The following SPAG16 variants were observed in gnomAD, a reference collection of about 807,000 sequenced individuals.
SPAG16 encodes sperm-associated antigen 16 protein.
SPAG16 carries 86 observed loss-of-function variants against 80.4 expected under a neutral mutation model. The observed-to-expected ratio is 1.07, with a 90% CI of 0.90 to 1.28. The LOEUF (loss-of-function observed/expected upper bound fraction) is 1.28, where lower values mean the gene tolerates loss of function less well. Ranked by LOEUF, SPAG16 falls within the 50% of genes most tolerant of loss-of-function variation. The pLI, the probability that SPAG16 is intolerant of heterozygous loss-of-function variation, is 0.00. For synonymous variants in SPAG16, 294 were observed against 265.9 expected, an observed-to-expected ratio of 1.11 and a Z score of -1.03; for missense variants, 870 against 765.3, an observed-to-expected ratio of 1.14 and a Z score of -1.61.
chr2:213,588,167 T>G (rs1445640029), intron 10 of SPAG16, among the ~76,000 whole-genome samples: 1 of 152,172 alleles, frequency 6.6e-6, no homozygotes, highest in Non-Finnish European at 1.5e-5. Flanking sequence ...GAGTAGTATG[T>G]GAAAGGGATT....
intron 13 of SPAG16, among the ~76,000 whole-genome samples, chr2:214,041,970 C>CTGTGTGTGTGTATATATG (rs199736767): frequency 1.1e-5 from 1 of 92,752 alleles, no homozygotes; most frequent in South Asian, 3.7e-4. Context: ...ATTTGTGTGT[C>CTGTGTGTGTGTATATATG]TGTGTGTGTA....
chr2:213,738,480 A>G (rs1574992631), intron 10 of SPAG16, among the ~76,000 whole-genome samples: 1 of 152,334 alleles, frequency 6.6e-6, no homozygotes, highest in Admixed American at 6.5e-5. Flanking sequence ...TTTATTTCAT[A>G]ACAGTAGCTA....
intron 15 of SPAG16, among the ~76,000 whole-genome samples, chr2:214,247,775 T>C (rs1364190945): frequency 6.6e-6 from 1 of 152,126 alleles, no homozygotes; most frequent in Admixed American, 6.6e-5. Flanking sequence ...CTCATGCCTG[T>C]AATCCCAGCA....
intron 15 of SPAG16, among the ~76,000 whole-genome samples, chr2:214,314,264 C>T (rs1397589868): frequency 2.0e-5 from 3 of 152,116 alleles, no homozygotes; most frequent in Non-Finnish European, 4.4e-5. Context: ...TAAGTTAGTT[C>T]CATTTATGTA....
At chr2:213,842,790 A>G (rs2074425350) in intron 10 of SPAG16, among the ~76,000 whole-genome samples, 1 of 152,186 alleles carries the variant, frequency 6.6e-6, no homozygotes, top group Non-Finnish European at 1.5e-5. Flanking sequence ...ATTTAGAGAC[A>G]GGATCCTGCT....
intron 9 of SPAG16, among the ~76,000 whole-genome samples, chr2:213,444,418 T>C (rs1485737969): frequency 1.3e-5 from 2 of 152,216 alleles, no homozygotes; most frequent in Admixed American, 6.5e-5. Context: ...GACCTATAAA[T>C]AACTGTTTAC....
intron 10 of SPAG16, among the ~76,000 whole-genome samples, chr2:213,724,808 A>T (rs1488484305): frequency 2.1e-5 from 3 of 142,472 alleles, no homozygotes; most frequent in African/African-American, 7.6e-5. Flanking sequence ...AAAAGAAAAA[A>T]GGATAAACTA....
At chr2:214,226,918 A>T (rs1392367451) in intron 15 of SPAG16, among the ~76,000 whole-genome samples, 2 of 151,954 alleles carry the variant, frequency 1.3e-5, no homozygotes, top group Non-Finnish European at 2.9e-5. Flanking sequence ...TTTCTCTTTT[A>T]TTGACATCAG....
At chr2:214,088,239 G>T (rs1022025587) in intron 13 of SPAG16, among the ~76,000 whole-genome samples, 1 of 151,896 alleles carries the variant, frequency 6.6e-6, no homozygotes, top group African/African-American at 2.4e-5. Context: ...TGGCTGTTAT[G>T]GAAGTCTGTA....
chr2:213,655,395 A>G (rs184212757), intron 10 of SPAG16, among the ~76,000 whole-genome samples: 1 of 152,228 alleles, frequency 6.6e-6, no homozygotes, highest in South Asian at 2.1e-4. Context: ...ACCCTAGATT[A>G]TACATATCTG....
chr2:213,810,447 ACT>A (rs775326434), intron 10 of SPAG16, among the ~76,000 whole-genome samples: 1 of 152,132 alleles, frequency 6.6e-6, no homozygotes, highest in Non-Finnish European at 1.5e-5. Flanking sequence ...TTATGGCATG[ACT>A]CTTCAGAGAA....
intron 15 of SPAG16, among the ~76,000 whole-genome samples, chr2:214,295,524 C>T (rs1291248732): frequency 6.6e-6 from 1 of 152,192 alleles, no homozygotes; most frequent in Admixed American, 6.5e-5. Context: ...GGGACAGTGG[C>T]TCATGCCTGT....
At chr2:213,873,391 C>T (rs996772139) in intron 11 of SPAG16, among the ~76,000 whole-genome samples, 1 of 150,868 alleles carries the variant, frequency 6.6e-6, no homozygotes, top group Non-Finnish European at 1.5e-5. Context: ...TTTGAGTCCT[C>T]TCTATTTTTT....
intron 10 of SPAG16, among the ~76,000 whole-genome samples, chr2:213,547,684 C>T (rs986840956): frequency 6.6e-6 from 1 of 151,992 alleles, no homozygotes; most frequent in Non-Finnish European, 1.5e-5. Context: ...AGTGAAATTC[C>T]CATTGTCAGC....
At position 213,365,700 on chromosome 2, in the gene SPAG16, C is replaced by T. The variant is rs79788945; in HGVS notation, c.832+1555C>T. 9.9e-4 allele frequency among the ~76,000 whole-genome samples: 151 copies of T among 151,874 alleles called. 1 individual carries two copies. In the East Asian group the frequency reaches 0.021, roughly 21 times the overall value. On this transcript the variant is annotated intron_variant, in intron 8 of 15. Coordinates refer to ENST00000331683, the MANE Select transcript of SPAG16 (RefSeq NM_024532.5). ...CTTGAACTCCTGTCTTGAAGTGATC[C>T]GCCTGCCTCAGCCTCCCAACATGCT...
intron 15 of SPAG16, among the ~76,000 whole-genome samples, chr2:214,391,281 G>A: frequency 6.6e-6 from 1 of 152,192 alleles, no homozygotes; most frequent in Admixed American, 6.5e-5. Flanking sequence ...GTTAATATAT[G>A]TAAAACACTT....
chr2:213,330,160 C>T (rs1489032691), intron 5 of SPAG16, among the ~76,000 whole-genome samples: 1 of 152,242 alleles, frequency 6.6e-6, no homozygotes, highest in Non-Finnish European at 1.5e-5. Context: ...GGAGCCCCCA[C>T]ACAGAGTCCC....
chr2:213,305,891 A>G (rs2062921559), intron 3 of SPAG16, among the ~76,000 whole-genome samples: 1 of 152,106 alleles, frequency 6.6e-6, no homozygotes, highest in South Asian at 2.1e-4. Context: ...TTTTCTTGTG[A>G]TTTTTAGAAA....
chr2:213,908,732 AC>A (rs1300433988), intron 11 of SPAG16, among the ~76,000 whole-genome samples: 5 of 147,946 alleles, frequency 3.4e-5, no homozygotes, highest in African/African-American at 1.2e-4. Flanking sequence ...ACTTCAGGAA[AC>A]CAACCAAGAT....
Sources: gnomAD v4.1 joint callset for allele counts (sites outside exome capture counted in the v4.1 genomes callset) on GRCh38, gnomAD v4.1.1 for gene constraint, MANE v1.5 for transcripts, NCBI Gene and HGNC (gene_info 2026-07-23, HGNC 2026-07-21) for gene names.